The following FKBP5 variants were observed in gnomAD, a reference collection of about 807,000 sequenced individuals.
The protein encoded by FKBP5 is FKBP prolyl isomerase 5, also known as peptidyl-prolyl cis-trans isomerase FKBP5.
FKBP5 carries 23 observed loss-of-function variants against 50.5 expected under a neutral mutation model. That is an observed-to-expected ratio of 0.46 (90% CI 0.33 to 0.65). The LOEUF is 0.65. Ranked by LOEUF, FKBP5 falls within the 30% of genes least tolerant of loss-of-function variation. The pLI is 0.02. For missense variants in FKBP5, 411 were observed against 553.1 expected, an observed-to-expected ratio of 0.74 and a Z score of 2.58; for synonymous variants, 176 against 190.6, an observed-to-expected ratio of 0.92 and a Z score of 0.63.
chr6:35,678,599 T>C (rs1341871837), intron 1 of FKBP5, among the ~76,000 whole-genome samples: 2 of 152,164 alleles, frequency 1.3e-5, no homozygotes, highest in East Asian at 1.9e-4. Context: ...AGGCTATGAA[T>C]TGACAAAAAG....
intron 5 of FKBP5, among the ~76,000 whole-genome samples, chr6:35,598,506 C>G (rs572229012): frequency 6.6e-6 from 1 of 151,830 alleles, no homozygotes. Context: ...TACAGGTATG[C>G]GCCACCAGGT....
chr6:35,619,758 T>C (rs1763772494), intron 4 of FKBP5, among the ~76,000 whole-genome samples: 1 of 152,198 alleles, frequency 6.6e-6, no homozygotes, highest in African/African-American at 2.4e-5. Flanking sequence ...ACACATAAAT[T>C]TTTATAATAT....
At position 35,668,813 on chromosome 6, in the gene FKBP5, T is replaced by G. The variant is rs373774485; in HGVS notation, c.-20+19991A>C. On this transcript the variant is annotated intron_variant, in intron 1 of 10. Transcript: ENST00000357266. ...TAAGAAACTATCAGAACTTCATGATTGTCTTAAAGAATTAGAATGTTAAAT... is the reference window on the plus strand; with the variant it reads ...TAAGAAACTATCAGAACTTCATGATGGTCTTAAAGAATTAGAATGTTAAAT... Among the ~76,000 whole-genome samples the G allele has an allele frequency of 2.0e-5, 3 of 152,262 alleles. No homozygotes were observed. The East Asian group carries it at 5.8e-4, about 29-fold the overall frequency.
At chr6:35,713,420 G>A (rs1766450685) in intron 2 of FKBP5, among the ~76,000 whole-genome samples, 1 of 152,192 alleles carries the variant, frequency 6.6e-6, no homozygotes, top group African/African-American at 2.4e-5. Context: ...GGTCTAGATG[G>A]TCTAAGGTGC....
At chr6:35,615,982 T>C (rs1267054133) in intron 5 of FKBP5, among the ~76,000 whole-genome samples, 3 of 152,036 alleles carry the variant, frequency 2.0e-5, no homozygotes, top group East Asian at 3.9e-4. Context: ...GAAACCCAAA[T>C]TGAGGGATAT....
chr6:35,584,596 T>C, intron 8 of FKBP5: 1 of 985,468 alleles, frequency 1.0e-6, no homozygotes. Context: ...CTAACCATTT[T>C]GAAGTTTTAC....
intron 1 of FKBP5, chr6:35,728,414 G>C (rs1383494706): frequency 2.6e-5 from 4 of 152,302 alleles, no homozygotes; most frequent in Non-Finnish European, 5.9e-5. Flanking sequence ...AGCAGGCTCT[G>C]CCCACCTGGG....
At chr6:35,651,969 A>G in intron 1 of FKBP5, 1 of 484,308 alleles carries the variant, frequency 2.1e-6, no homozygotes. Context: ...CCCCAAACGG[A>G]GGAACCGGCT....
intron 2 of FKBP5, among the ~76,000 whole-genome samples, chr6:35,699,493 CTAA>C (rs1336457257): frequency 1.3e-5 from 2 of 152,206 alleles, no homozygotes; most frequent in Non-Finnish European, 2.9e-5. Context: ...CTTCTGTCTC[CTAA>C]TGATTCACTT....
rs1378438084 is a variant in FKBP5, at chr6:35,659,475, G to A, written c.-19-16632C>T. 8.3e-5 allele frequency among the ~76,000 whole-genome samples: 7 copies of A among 83,856 alleles called. 3 individuals are homozygous for A. The highest frequency in any genetic ancestry group is 1.8e-4 in the African/African-American group (5 of 27,072). The allele number at this position is 83,856 out of a possible 152,430, so 55.0% of individuals were successfully genotyped here. ...TTGGTCAGGCCGGTCTCAAAGTCCCGACCTCAGGTGATCCGCCTACCTCAG... is the reference window on the plus strand; with the variant it reads ...TTGGTCAGGCCGGTCTCAAAGTCCCAACCTCAGGTGATCCGCCTACCTCAG... On this transcript the variant is annotated intron_variant, in intron 1 of 10. Transcript: ENST00000357266.
intron 2 of FKBP5, among the ~76,000 whole-genome samples, chr6:35,639,053 C>A (rs1305537657): frequency 1.3e-5 from 2 of 152,218 alleles, no homozygotes; most frequent in African/African-American, 4.8e-5. Context: ...GCCTTAAGAA[C>A]ACAATCTAGG....
At chr6:35,670,744 GAAAGAAAAGA>G (rs1167670822) in intron 1 of FKBP5, among the ~76,000 whole-genome samples, 3 of 141,124 alleles carry the variant, frequency 2.1e-5, no homozygotes, top group East Asian at 2.0e-4. Context: ...AAAAAAAAAA[GAAAGAAAAGA>G]AAAGAAAAGA....
intron 1 of FKBP5, among the ~76,000 whole-genome samples, chr6:35,645,026 A>C (rs367909599): frequency 6.6e-6 from 1 of 152,234 alleles, no homozygotes; most frequent in African/African-American, 2.4e-5. Flanking sequence ...TTCAAGTAAA[A>C]CAATCTGACT....
intron 2 of FKBP5, among the ~76,000 whole-genome samples, chr6:35,712,102 ACT>A: frequency 6.6e-6 from 1 of 150,752 alleles, no homozygotes; most frequent in African/African-American, 2.4e-5. Flanking sequence ...CTGGCCTCAA[ACT>A]TCTGGGCTCA....
chr6:35,683,971 ATCGCTTGAACCAATGGAGG>A (rs1765752258), intron 1 of FKBP5, among the ~76,000 whole-genome samples: 1 of 152,034 alleles, frequency 6.6e-6, no homozygotes. Context: ...GGCAGGAAGA[ATCGCTTGAACCAATGGAGG>A]TTGCAGTGAG....
chr6:35,648,304 C>A (rs1764686757), intron 1 of FKBP5, among the ~76,000 whole-genome samples: 1 of 152,190 alleles, frequency 6.6e-6, no homozygotes, highest in Middle Eastern at 3.4e-3. Flanking sequence ...GGGTCTTGCT[C>A]TGTTGCCCAG....
intron 5 of FKBP5, among the ~76,000 whole-genome samples, chr6:35,618,893 G>A (rs903227276): frequency 2.6e-4 from 40 of 151,224 alleles, no homozygotes; most frequent in African/African-American, 9.2e-4. Flanking sequence ...ATGGGGTTTC[G>A]CCATGCTGGC....
intron 1 of FKBP5, among the ~76,000 whole-genome samples, chr6:35,648,984 G>T (rs1019016404): frequency 3.9e-5 from 6 of 152,000 alleles, no homozygotes; most frequent in African/African-American, 1.2e-4. Context: ...AGGCGGGATG[G>T]CTCACATCTG....
At chr6:35,589,054 G>GGGTA (rs1762710068) in intron 7 of FKBP5, among the ~76,000 whole-genome samples, 1 of 144,518 alleles carries the variant, frequency 6.9e-6, no homozygotes, top group Admixed American at 7.0e-5. Flanking sequence ...AAGTATGTGT[G>GGGTA]TGTATGTGTG....
Sources: gnomAD v4.1 joint callset for allele counts (sites outside exome capture counted in the v4.1 genomes callset) on GRCh38, gnomAD v4.1.1 for gene constraint, MANE v1.5 for transcripts, NCBI Gene and HGNC (gene_info 2026-07-23, HGNC 2026-07-21) for gene names.